The following GABRG3 variants were observed in gnomAD, a reference collection of about 807,000 sequenced individuals.
The protein encoded by GABRG3 is gamma-aminobutyric acid receptor subunit gamma-3.
In GABRG3, 25 loss-of-function variants were observed where a neutral mutation model predicts 48.8. The ratio of observed to expected loss-of-function variants is 0.51; its 90% CI spans 0.37 to 0.72. The LOEUF (loss-of-function observed/expected upper bound fraction) is 0.72, where lower values mean the gene tolerates loss of function less well. Among genes scored for constraint, GABRG3 ranks in the 30% least tolerant of loss-of-function variants. The pLI, the probability that GABRG3 is intolerant of heterozygous loss-of-function variation, is 0.00. For missense variants in GABRG3, 394 were observed against 577.9 expected (o/e 0.68, Z 3.26); for synonymous variants, 227 against 217.6 (o/e 1.04, Z -0.38).
chr15:27,115,312 G>A (rs913859542), intron 3 of GABRG3, among the ~76,000 whole-genome samples: 1 of 152,062 alleles, frequency 6.6e-6, no homozygotes, highest in African/African-American at 2.4e-5. Flanking sequence ...GTCCAGCTGC[G>A]AGCTCCATTT....
intron 5 of GABRG3, among the ~76,000 whole-genome samples, chr15:27,329,947 A>C (rs1411172263): frequency 6.6e-6 from 1 of 152,208 alleles, no homozygotes; most frequent in African/African-American, 2.4e-5. Flanking sequence ...GCTTTCTTTA[A>C]AATTGCATAT....
chr15:27,508,028 A>G (rs1890802241), intron 6 of GABRG3, among the ~76,000 whole-genome samples: 1 of 152,070 alleles, frequency 6.6e-6, no homozygotes, highest in African/African-American at 2.4e-5. Flanking sequence ...CTATTTTTTA[A>G]CTTTTAACCT....
rs1005060215 is a variant in GABRG3 at position 27,473,812 on chromosome 15, T to C, written c.575-6838T>C. Among the ~76,000 whole-genome samples the C allele has an allele frequency of 3.3e-5, 5 of 152,354 alleles. No individual in the cohort carries two copies. The East Asian group carries it at 9.6e-4, about 29-fold the overall frequency. On this transcript the variant is annotated intron_variant, in intron 5 of 9. Transcript: ENST00000615808. The stretch of plus-strand genomic sequence containing the variant: ...AATTAACCTGTTATCTCATGATGTG[T>C]GTGGAAGAACTAATAGTTAAAAACA...
chr15:27,263,557 A>T (rs1391043272), intron 3 of GABRG3, among the ~76,000 whole-genome samples: 2 of 152,162 alleles, frequency 1.3e-5, no homozygotes, highest in East Asian at 3.9e-4. Context: ...CAAAATATTT[A>T]AAACCTTTGT....
intron 3 of GABRG3, among the ~76,000 whole-genome samples, chr15:27,191,725 G>C (rs371755375): frequency 6.6e-6 from 1 of 151,678 alleles, no homozygotes; most frequent in African/African-American, 2.4e-5. Context: ...GTCCATTTAC[G>C]TTTAAAGTTA....
Position 27,103,602 on chromosome 15 carries a change from CT to C in GABRG3, c.270+76784del, listed in dbSNP as rs142772418. 1.4e-4 allele frequency among the ~76,000 whole-genome samples: 21 copies of C among 152,278 alleles called. No homozygotes were observed. In the East Asian group the frequency reaches 2.9e-3, roughly 21 times the overall value. ...AGCAAAATTAACCCCTCCCCTTTCC[CT>C]TTAAGTGTTTTTTCACTTTTAAGAT... On this transcript the variant is annotated intron_variant, in intron 3 of 9. Coordinates refer to ENST00000615808, the MANE Select transcript of GABRG3 (RefSeq NM_033223.5).
chr15:27,188,485 G>A (rs1404141084), intron 3 of GABRG3, among the ~76,000 whole-genome samples: 1 of 152,072 alleles, frequency 6.6e-6, no homozygotes, highest in Non-Finnish European at 1.5e-5. Flanking sequence ...CAGTGATGAT[G>A]AGCATTTTTT....
chr15:27,074,068 A>G (rs1896870089), intron 3 of GABRG3, among the ~76,000 whole-genome samples: 2 of 152,242 alleles, frequency 1.3e-5, no homozygotes, highest in South Asian at 4.2e-4. Context: ...GCAAAGAGAG[A>G]ATGAGGAAGA....
At chr15:27,064,110 AC>A (rs1194715456) in intron 3 of GABRG3, among the ~76,000 whole-genome samples, 3 of 150,336 alleles carry the variant, frequency 2.0e-5, no homozygotes, top group East Asian at 1.9e-4. Flanking sequence ...AATGGAAGGA[AC>A]TGGACACGTA....
chr15:27,263,368 G>A (rs1256316546), intron 3 of GABRG3, among the ~76,000 whole-genome samples: 1 of 152,060 alleles, frequency 6.6e-6, no homozygotes, highest in Non-Finnish European at 1.5e-5. Context: ...GTTTTCTGCT[G>A]AAGTCACCAG....
chr15:27,145,603 C>CTATCTATCTATCTATCTATCTATCTATCA (rs1555405976), intron 3 of GABRG3, among the ~76,000 whole-genome samples: 9 of 102,298 alleles, frequency 8.8e-5, no homozygotes, highest in Non-Finnish European at 1.5e-4. Context: ...ATATATCTAT[C>CTATCTATCTATCTATCTATCTATCTATCA]TCTATCTATC....
At chr15:27,109,783 G>A (rs1205420395) in intron 3 of GABRG3, among the ~76,000 whole-genome samples, 2 of 152,192 alleles carry the variant, frequency 1.3e-5, no homozygotes, top group Non-Finnish European at 2.9e-5. Flanking sequence ...TCGGGAGGCT[G>A]AGGCAGGAAA....
intron 3 of GABRG3, among the ~76,000 whole-genome samples, chr15:27,257,487 C>T (rs1890656129): frequency 6.7e-6 from 1 of 149,532 alleles, no homozygotes; most frequent in South Asian, 2.1e-4. Flanking sequence ...CCTGTTTTCT[C>T]CTAGAAGTTC....
At chr15:27,237,742 G>A (rs894231894) in intron 3 of GABRG3, among the ~76,000 whole-genome samples, 2 of 152,214 alleles carry the variant, frequency 1.3e-5, no homozygotes, top group Non-Finnish European at 2.9e-5. Context: ...ATAAAGCTTT[G>A]TTAGAATGTC....
At chr15:27,470,173 C>A (rs1162262658) in intron 5 of GABRG3, among the ~76,000 whole-genome samples, 2 of 152,022 alleles carry the variant, frequency 1.3e-5, no homozygotes, top group Non-Finnish European at 2.9e-5. Context: ...GTGCCCAGTA[C>A]CTTGCATTTC....
At chr15:27,095,090 G>A (rs1220258343) in intron 3 of GABRG3, among the ~76,000 whole-genome samples, 1 of 152,148 alleles carries the variant, frequency 6.6e-6, no homozygotes, top group Admixed American at 6.5e-5. Flanking sequence ...AACAGGACTG[G>A]ATTTTCGCCA....
chr15:27,521,671 G>A lies in GABRG3; in HGVS notation c.865+1547G>A, dbSNP rs540098818. Among the ~76,000 whole-genome samples, 134 of 152,098 alleles carry A rather than the reference G, an allele frequency of 8.8e-4. No individual in the cohort carries two copies. In the Middle Eastern group the frequency reaches 0.01, roughly 12 times the overall value. On this transcript the variant is annotated intron_variant, in intron 7 of 9. Coordinates refer to ENST00000615808, the MANE Select transcript of GABRG3 (RefSeq NM_033223.5). Reference sequence around the variant, plus strand: ...TAGATGGGTTATCTCATCACAGAAAGTATATAAAAAGAAATTCTAGAGTGA... The same window carrying A: ...TAGATGGGTTATCTCATCACAGAAAATATATAAAAAGAAATTCTAGAGTGA...
At chr15:27,520,439 C>G (rs932522168) in intron 7 of GABRG3, among the ~76,000 whole-genome samples, 2 of 151,458 alleles carry the variant, frequency 1.3e-5, no homozygotes, top group Non-Finnish European at 2.9e-5. Flanking sequence ...CAAAAGTCCC[C>G]ATACGTTAAT....
intron 3 of GABRG3, among the ~76,000 whole-genome samples, chr15:27,127,151 A>G (rs184816537): frequency 6.6e-6 from 1 of 152,272 alleles, no homozygotes; most frequent in East Asian, 1.9e-4. Flanking sequence ...ACATCTGTGT[A>G]TACCAGTTTT....
Sources: allele counts gnomAD v4.1 joint callset (sites outside exome capture counted in the v4.1 genomes callset), GRCh38; gene constraint gnomAD v4.1.1; transcripts MANE v1.5; gene names NCBI Gene and HGNC (gene_info 2026-07-23, HGNC 2026-07-21).